The following ANKRD30B variants were observed in gnomAD, a reference collection of about 807,000 sequenced individuals.
ANKRD30B encodes ankyrin repeat domain 30B, also known as ankyrin repeat domain-containing protein 30B.
ANKRD30B carries 144 observed loss-of-function variants against 202.2 expected under a neutral mutation model. The ratio of observed to expected loss-of-function variants is 0.71; its 90% CI spans 0.62 to 0.82. The LOEUF (loss-of-function observed/expected upper bound fraction) is 0.82, where lower values mean the gene tolerates loss of function less well. ANKRD30B is among the 40% of genes least tolerant of loss of function. ANKRD30B has a pLI of 0.00. For synonymous variants in ANKRD30B, 508 were observed against 561.3 expected (o/e 0.91, Z 1.34); for missense variants, 1,487 against 1,669.1 (o/e 0.89, Z 1.90).
At chr18:14,798,822 A>T (rs1277562141) in intron 20 of ANKRD30B, among the ~76,000 whole-genome samples, 1 of 152,172 alleles carries the variant, frequency 6.6e-6, no homozygotes, top group African/African-American at 2.4e-5. Flanking sequence ...TCATTCTGGC[A>T]GTCCAACCTG....
intron 4 of ANKRD30B, among the ~76,000 whole-genome samples, chr18:14,755,300 T>A (rs916497863): frequency 6.6e-6 from 1 of 152,156 alleles, no homozygotes; most frequent in Non-Finnish European, 1.5e-5. Flanking sequence ...TTTTAAGAAG[T>A]ATGAACTTTT....
intron 34 of ANKRD30B, among the ~76,000 whole-genome samples, chr18:14,833,898 G>C (rs1004122097): frequency 6.6e-6 from 1 of 151,968 alleles, no homozygotes; most frequent in Non-Finnish European, 1.5e-5. Context: ...TTTAATCACA[G>C]AATACATTTC....
intron 7 of ANKRD30B, among the ~76,000 whole-genome samples, chr18:14,766,018 G>A (rs1000469681): frequency 6.6e-6 from 1 of 152,158 alleles, no homozygotes; most frequent in Non-Finnish European, 1.5e-5. Context: ...TAATAAGTTT[G>A]TATTCCCAGT....
chr18:14,820,923 G>A (rs1487507197), intron 30 of ANKRD30B, among the ~76,000 whole-genome samples: 9 of 152,154 alleles, frequency 5.9e-5, no homozygotes, highest in Admixed American at 5.9e-4. Context: ...GATTGGAATA[G>A]TTTCAGAAGG....
rs530663529 is a variant in ANKRD30B at position 14,808,362 on chromosome 18, A to G, written c.2285-189A>G. On this transcript the variant is annotated intron_variant, in intron 24 of 43. Transcript: ENST00000690538. ...ACGTTTGATGAAATTTATTTTTTAAATTTTCTTAAGTATATTTCTGTCCCA... is the reference window on the plus strand; with the variant it reads ...ACGTTTGATGAAATTTATTTTTTAAGTTTTCTTAAGTATATTTCTGTCCCA... The G allele has an allele frequency of 7.9e-4, 512 of 644,412 alleles. 10 individuals are homozygous for G. Among genetic ancestry groups the G allele is most frequent in the Non-Finnish European group, 1.2e-3 (417 of 352,204 alleles). 39.9% of individuals were successfully genotyped at this position (644,412 alleles called of 1,614,324 possible).
At chr18:14,907,678 C>T in the ANKRD30B span, among the ~76,000 whole-genome samples, 2 of 152,162 alleles carry the variant, frequency 1.3e-5, no homozygotes, top group African/African-American at 2.4e-5. Flanking sequence ...CAGCATGTCC[C>T]GGATGTAGCT....
At chr18:14,820,214 T>C (rs1970341619) in intron 30 of ANKRD30B, among the ~76,000 whole-genome samples, 1 of 152,236 alleles carries the variant, frequency 6.6e-6, no homozygotes, top group Non-Finnish European at 1.5e-5. Flanking sequence ...ATTGATTTTG[T>C]ATCCTGAGAC....
At chr18:14,806,592 T>C (rs1969535320) in intron 24 of ANKRD30B, among the ~76,000 whole-genome samples, 1 of 149,900 alleles carries the variant, frequency 6.7e-6, no homozygotes, top group Non-Finnish European at 1.5e-5. Flanking sequence ...TCAGGGATAA[T>C]CAGATCACAT....
intron 36 of ANKRD30B, 41 bp downstream of exon 36, chr18:14,837,717 A>G: frequency 6.8e-7 from 1 of 1,476,290 alleles, no homozygotes; most frequent in Non-Finnish European, 9.1e-7. Flanking sequence ...AAACTTAAGT[A>G]CTCAGTAATC....
chr18:14,765,161 A>G (rs1873902451), intron 7 of ANKRD30B, among the ~76,000 whole-genome samples: 1 of 152,180 alleles, frequency 6.6e-6, no homozygotes, highest in South Asian at 2.1e-4. Context: ...AAAGTGCCAG[A>G]TAGGAAATAT....
At chr18:14,897,429 C>A in the ANKRD30B span, among the ~76,000 whole-genome samples, 1 of 152,134 alleles carries the variant, frequency 6.6e-6, no homozygotes, top group Non-Finnish European at 1.5e-5. Context: ...CATTCACCTG[C>A]CTCAGCCTCC....
chr18:14,772,941 C>A (rs150049248), intron 9 of ANKRD30B, among the ~76,000 whole-genome samples: 2 of 151,902 alleles, frequency 1.3e-5, no homozygotes, highest in South Asian at 2.1e-4. Context: ...CATAGCGAGA[C>A]CTTATCACTA....
In ANKRD30B at chr18:14,773,049, A is replaced by G. The variant is rs1275062948; in HGVS notation, c.1329+821A>G. 2.6e-5 allele frequency among the ~76,000 whole-genome samples: 4 copies of G among 152,180 alleles called. No homozygotes were observed. In the East Asian group the frequency reaches 5.8e-4, roughly 22 times the overall value. On this transcript the variant is annotated intron_variant, in intron 9 of 43. Transcript: ENST00000690538. ...AGTGTGTTTTCTAAGTTTTTCATTA[A>G]AAGTATGCTTTAAATTCTTCATCTA...
intron 24 of ANKRD30B, among the ~76,000 whole-genome samples, chr18:14,805,844 T>C (rs1247180195): frequency 6.7e-6 from 1 of 149,776 alleles, no homozygotes; most frequent in Non-Finnish European, 1.5e-5. Flanking sequence ...GCAAAAATCA[T>C]ATATAAATGG....
In ANKRD30B at chr18:14,791,421, A is replaced by G. The variant is rs749678352; in HGVS notation, c.1755A>G (p.Ser585=). The G allele has an allele frequency of 6.2e-7, 1 of 1,608,872 alleles. No individual in the cohort carries two copies. Among genetic ancestry groups the G allele is most frequent in the African/African-American group, 1.3e-5 (1 of 74,730 alleles). The part of the protein sequence containing the change: ...WDSESPCETV[S]QKDVYLPKAT... ...AACAGAGTCCCTGTGAGACGGTTTCACAGAAGGATGTGTATTTACCCAAAG... is the reference window on the plus strand; with the variant it reads ...AACAGAGTCCCTGTGAGACGGTTTCGCAGAAGGATGTGTATTTACCCAAAG... Residue 585 remains serine, a synonymous_variant, in exon 16 of 44, where the codon TCA becomes TCG. Transcript: ENST00000690538.
Position 14,820,959 on chromosome 18 carries a change from A to T in ANKRD30B, c.2642-1524A>T, listed in dbSNP as rs1478709804. Reference sequence around the variant, plus strand: ...AATGGTACCAGTTCCTCCTTGTACCACTGGTAGAATTCGGCTGTGAATCCA... The same window carrying T: ...AATGGTACCAGTTCCTCCTTGTACCTCTGGTAGAATTCGGCTGTGAATCCA... On this transcript the variant is annotated intron_variant, in intron 30 of 43. Transcript: ENST00000690538. 1.6e-3 allele frequency among the ~76,000 whole-genome samples: 242 copies of T among 152,166 alleles called. 1 individual carries two copies. Among genetic ancestry groups the T allele is most frequent in the African/African-American group, 5.3e-3 (221 of 41,508 alleles).
the ANKRD30B span, among the ~76,000 whole-genome samples, chr18:14,926,796 G>A: frequency 1.2e-4 from 19 of 152,194 alleles, no homozygotes; most frequent in Admixed American, 1.1e-3. Context: ...GGGTAGTGGC[G>A]CGAGCCTATA....
chr18:14,851,638 T>C lies in ANKRD30B; in HGVS notation c.3694T>C (p.Phe1232Leu). 6.2e-7 allele frequency: 1 copy of C among 1,611,830 alleles called. No homozygotes were observed. The highest frequency in any genetic ancestry group is 2.2e-5 in the East Asian group (1 of 44,854). Residue 1232 changes from phenylalanine to leucine, a missense_variant, in exon 42 of 44, where the codon TTT (phenylalanine) becomes CTT (leucine). This residue lies in a region of ANKRD30B where 177 missense variants were observed against 216.4 expected (regional missense o/e 0.82). Transcript: ENST00000690538. ...HQHQVKENKY[F>L]EDIKILQEKN... ...ACACCAGGTGAAGGAAAATAAATAC[T>C]TTGAGGACATTAAGATTTTACAAGA...
chr18:14,913,299 C>T, the ANKRD30B span, among the ~76,000 whole-genome samples: 1 of 152,146 alleles, frequency 6.6e-6, no homozygotes, highest in African/African-American at 2.4e-5. Flanking sequence ...CAGCAGCTGG[C>T]CAGTCCCTGT....
Sources: gnomAD v4.1 joint callset for allele counts (sites outside exome capture counted in the v4.1 genomes callset) on GRCh38, gnomAD v4.1.1 for gene constraint, gnomAD v4.1.1 regional missense constraint, MANE v1.5 for transcripts, NCBI Gene and HGNC (gene_info 2026-07-23, HGNC 2026-07-21) for gene names.